Variants in HUWE1 observed in about 807,000 individuals in gnomAD.
HUWE1 encodes HECT, UBA and WWE domain containing E3 ubiquitin protein ligase 1.
In HUWE1, 18 loss-of-function variants were observed where a neutral mutation model predicts 299.4. The observed-to-expected ratio is 0.06, with a 90% CI of 0.04 to 0.09. HUWE1 has a LOEUF of 0.09. HUWE1 is among the 10% of genes least tolerant of loss of function. HUWE1 has a pLI of 1.00. For missense variants in HUWE1, 1,832 were observed against 3,462.3 expected (o/e 0.53, Z 11.82); for synonymous variants, 1,317 against 1,286.1 (o/e 1.02, Z -0.51).
chrX:53,533,786 T>C (rs1209266593), intron 83 of HUWE1: 1 of 464,517 alleles, frequency 2.2e-6, no homozygotes, highest in African/African-American at 2.4e-5. Flanking sequence ...TACACCATGC[T>C]CTCTTGTGGT....
chrX:53,546,783 C>A lies in HUWE1; in HGVS notation c.10679G>T (p.Ser3560Ile). 8.3e-7 allele frequency: 1 copy of A among 1,209,973 alleles called. No homozygotes were observed. The highest frequency in any genetic ancestry group is 1.1e-6 in the Non-Finnish European group (1 of 894,530). The change falls in exon 69 of 84, where the codon AGT (serine) becomes ATT (isoleucine). Residue 3560 changes from serine to isoleucine, a missense_variant. This residue lies in a region of HUWE1 where 119 missense variants were observed against 124.6 expected (regional missense o/e 0.96). Coordinates refer to ENST00000262854, the MANE Select transcript of HUWE1 (RefSeq NM_031407.7). ...TKGSKSPAKV[S>I]DGGSSSTDFK... ...GTCTGTACTGCTGCTGCCCCCATCA[C>A]TCACCTTCGCTGGAGATTTGCTGCC... is the stretch of plus-strand genomic sequence containing the variant.
chrX:53,555,786 C>T (rs1024994516), intron 60 of HUWE1, among the ~76,000 whole-genome samples: 2 of 109,144 alleles, frequency 1.8e-5, no homozygotes. Flanking sequence ...GGACCACAGG[C>T]GAGTGTCACC....
chrX:53,573,851 T>C lies in HUWE1; in HGVS notation c.6211A>G (p.Ile2071Val). 4 of 1,210,418 alleles carry C rather than the reference T, an allele frequency of 3.3e-6. No homozygotes were observed. Among genetic ancestry groups the C allele is most frequent in the Non-Finnish European group, 4.5e-6 (4 of 894,185 alleles). Residue 2071 changes from isoleucine to valine, a missense_variant, in exon 47 of 84, where the codon ATC becomes GTC. Ile to Val is a conservative substitution (Grantham distance 29). Transcript: ENST00000262854. ...ACCAACTCTGCCAGAAGACGAAGGA[T>C]AGTGGAGGTAGGCATTAAAGGTTTG... The part of the protein sequence containing the change: ...GSKPLMPTST[I>V]LRLLAELVRS...
At chrX:53,641,095 A>G (rs1159278644) in intron 7 of HUWE1, among the ~76,000 whole-genome samples, 3 of 111,668 alleles carry the variant, frequency 2.7e-5, no homozygotes. Context: ...ACCTCTAAAT[A>G]CGTTCCTAGG....
chrX:53,645,020 C>T, intron 7 of HUWE1, among the ~76,000 whole-genome samples: 1 of 112,274 alleles, frequency 8.9e-6, no homozygotes, highest in Middle Eastern at 4.6e-3. Flanking sequence ...CATTATACTT[C>T]CTTCTCACAC....
Position 53,580,897 on chromosome X carries a change from T to C in HUWE1, c.5650A>G (p.Ile1884Val), listed in dbSNP as rs782397547. The C allele has an allele frequency of 5.8e-6, 7 of 1,211,633 alleles. No homozygotes were observed. The highest frequency in any genetic ancestry group is 1.8e-5 in the South Asian group (1 of 56,962). Residue 1884 changes from isoleucine (I) to valine (V), a missense_variant, in exon 43 of 84, where the codon ATA (isoleucine) becomes GTA (valine). By Grantham distance (29) the Ile-to-Val change is conservative. Transcript: ENST00000262854. The part of the protein sequence containing the change: ...LGPAACRNPD[I>V]FTEVANCCIR... Reference sequence around the variant, plus strand: ...CAGCAGTTGGCCACTTCTGTGAATATGTCTGGATTGCGGCATGCGGCTGGC... The same window carrying C: ...CAGCAGTTGGCCACTTCTGTGAATACGTCTGGATTGCGGCATGCGGCTGGC...
chrX:53,649,903 T>A (rs1444026914), intron 4 of HUWE1, among the ~76,000 whole-genome samples: 1 of 112,326 alleles, frequency 8.9e-6, no homozygotes, highest in Non-Finnish European at 1.9e-5. Context: ...CAAGGCCCAG[T>A]AGCAAGCCAG....
At chrX:53,548,817 G>C in intron 67 of HUWE1, 142 bp downstream of exon 67, 1 of 540,108 alleles carries the variant, frequency 1.9e-6, no homozygotes, top group Non-Finnish European at 3.1e-6. Context: ...AAATATATAG[G>C]ACAATCCCCT....
chrX:53,659,230 A>G (rs972786499), intron 3 of HUWE1, among the ~76,000 whole-genome samples: 11 of 112,783 alleles, frequency 9.8e-5, no homozygotes, highest in South Asian at 3.6e-4. Flanking sequence ...TTATGTCCAC[A>G]CAAAAACCTG....
intron 61 of HUWE1, 37 bp downstream of exon 61, chrX:53,554,596 T>C (rs2061917235): frequency 8.5e-7 from 1 of 1,182,416 alleles, no homozygotes; most frequent in South Asian, 1.8e-5. Context: ...TTCTTCCCTC[T>C]TGTTTCATCC....
In HUWE1 at chrX:53,560,409, G is replaced by A; in HGVS notation, c.7515C>T (p.Ile2505=). The change falls in exon 56 of 84, where the codon ATC becomes ATT. Residue 2505 remains isoleucine, a synonymous_variant. Transcript: ENST00000262854. ...FDNMFSSATD[I]PPSPGNIPTT... is the part of the protein sequence containing the mutation. ...TAGGGATATTTCCTGGGGATGGGGG[G>A]ATGTCTGCTGCAAGGACAATATGTA... 9 of 1,207,001 alleles carry A rather than the reference G, an allele frequency of 7.5e-6. No individual in the cohort carries two copies. Among genetic ancestry groups the A allele is most frequent in the Non-Finnish European group, 1.0e-5 (9 of 891,550 alleles).
Position 53,534,712 on chromosome X carries a change from A to C in HUWE1, c.12650-15T>G. On this transcript the variant is annotated splice_polypyrimidine_tract_variant and intron_variant, in intron 81 of 83. Coordinates refer to ENST00000262854, the MANE Select transcript of HUWE1 (RefSeq NM_031407.7). The stretch of plus-strand genomic sequence containing the variant: ...GCGGATGGCTCCTGGTGAGATAACC[A>C]AAAAGCCAAATGACTTCTAAACTCA... The C allele has an allele frequency of 8.3e-7, 1 of 1,204,082 alleles. No homozygotes were observed. The highest frequency in any genetic ancestry group is 1.1e-6 in the Non-Finnish European group (1 of 889,950).
At chrX:53,568,491 A>G (rs1007635661) in intron 49 of HUWE1, among the ~76,000 whole-genome samples, 1 of 111,667 alleles carries the variant, frequency 9.0e-6, no homozygotes, top group Non-Finnish European at 1.9e-5. Context: ...TGAAAAAAAA[A>G]TCACTATTAT....
chrX:53,613,583 A>C lies in HUWE1; in HGVS notation c.2261+951T>G, dbSNP rs782253168. Among the ~76,000 whole-genome samples, 5 of 111,733 alleles carry C rather than the reference A, an allele frequency of 4.5e-5. No homozygotes were observed. In the East Asian group the frequency reaches 1.4e-3, roughly 31 times the overall value. On this transcript the variant is annotated intron_variant, in intron 23 of 83. Coordinates refer to ENST00000262854, the MANE Select transcript of HUWE1 (RefSeq NM_031407.7). ...GTTACAGTTCATCCCTGGTATGTGA[A>C]TACTGCTCAAAGAGCCTGGTGGACT...
intron 19 of HUWE1, among the ~76,000 whole-genome samples, chrX:53,620,555 T>C (rs1157426154): frequency 1.8e-5 from 2 of 111,883 alleles, no homozygotes; most frequent in Admixed American, 1.9e-4. Context: ...CCATCTGTTG[T>C]ACTGTTCACA....
chrX:53,629,469 G>T, intron 13 of HUWE1, 47 bp downstream of exon 13: 1 of 858,277 alleles, frequency 1.2e-6, no homozygotes, highest in Non-Finnish European at 1.7e-6. Flanking sequence ...AATACTTCTG[G>T]TCCCAAGTGT....
chrX:53,548,728 A>G (rs1480410315), intron 67 of HUWE1, among the ~76,000 whole-genome samples: 5 of 112,841 alleles, frequency 4.4e-5, no homozygotes, highest in African/African-American at 1.3e-4. Context: ...TCTGTAAAAC[A>G]GGAATCATAC....
chrX:53,546,912 G>A, intron 68 of HUWE1, 87 bp from the exon 69 acceptor site: 8 of 1,079,676 alleles, frequency 7.4e-6, no homozygotes, highest in Non-Finnish European at 1.0e-5. Flanking sequence ...TCGCTGAATT[G>A]CCCAGGGCTT....
At chrX:53,534,814 C>CA (rs782227092) in intron 81 of HUWE1, 117 bp from the exon 82 acceptor site, 229 of 608,833 alleles carry the variant, frequency 3.8e-4, no homozygotes, top group Non-Finnish European at 5.2e-4. Flanking sequence ...CATGCACCAC[C>CA]ACAACTGGTT....
Sources: gnomAD v4.1 joint callset for allele counts (sites outside exome capture counted in the v4.1 genomes callset) on GRCh38, gnomAD v4.1.1 for gene constraint, gnomAD v4.1.1 regional missense constraint, MANE v1.5 for transcripts, NCBI Gene and HGNC (gene_info 2026-07-23, HGNC 2026-07-21) for gene names.